The following CNST variants were observed in gnomAD, a reference collection of about 807,000 sequenced individuals.
The protein encoded by CNST is consortin, connexin sorting protein.
In CNST, 39 loss-of-function variants were observed where a neutral mutation model predicts 72.4. That is an observed-to-expected ratio of 0.54 (90% CI 0.42 to 0.70). The LOEUF is 0.70. Among genes scored for constraint, CNST ranks in the 30% least tolerant of loss-of-function variants. The pLI, the probability that CNST is intolerant of heterozygous loss-of-function variation, is 0.00. For synonymous variants in CNST, 332 were observed against 320.1 expected (o/e 1.04, Z -0.40); for missense variants, 871 against 868.5 (o/e 1.00, Z -0.04).
chr1:246,652,949 A>T (rs1447700266), intron 9 of CNST, among the ~76,000 whole-genome samples: 1 of 150,910 alleles, frequency 6.6e-6, no homozygotes, highest in African/African-American at 2.4e-5. Flanking sequence ...GCTTGCAGTG[A>T]GCCGAGATTG....
intron 1 of CNST, among the ~76,000 whole-genome samples, chr1:246,579,540 A>G (rs531048753): frequency 6.6e-6 from 1 of 152,316 alleles, no homozygotes; most frequent in African/African-American, 2.4e-5. Flanking sequence ...AGGCCAAAAC[A>G]GGAGGATCAC....
At chr1:246,579,678 C>T (rs1309988812) in intron 1 of CNST, among the ~76,000 whole-genome samples, 1 of 152,134 alleles carries the variant, frequency 6.6e-6, no homozygotes, top group African/African-American at 2.4e-5. Flanking sequence ...TCACTAGAAC[C>T]TGGGAGGCGG....
chr1:246,652,393 C>T (rs1296142810), intron 9 of CNST, among the ~76,000 whole-genome samples: 1 of 152,146 alleles, frequency 6.6e-6, no homozygotes, highest in Non-Finnish European at 1.5e-5. Flanking sequence ...TAGCTGTTTT[C>T]TGAACAAGTG....
intron 2 of CNST, among the ~76,000 whole-genome samples, chr1:246,613,992 C>A (rs985626565): frequency 2.0e-5 from 3 of 151,934 alleles, no homozygotes; most frequent in Non-Finnish European, 4.4e-5. Flanking sequence ...CTGCACTTGG[C>A]CTGTGTGAGG....
At chr1:246,639,520 C>CT (rs1198664053) in intron 6 of CNST, among the ~76,000 whole-genome samples, 3 of 152,030 alleles carry the variant, frequency 2.0e-5, no homozygotes, top group Non-Finnish European at 2.9e-5. Flanking sequence ...TGAGGGGGTG[C>CT]TTACTTGTGC....
At chr1:246,602,910 A>G (rs1304294026) in intron 2 of CNST, among the ~76,000 whole-genome samples, 1 of 131,186 alleles carries the variant, frequency 7.6e-6, no homozygotes, top group Non-Finnish European at 1.6e-5. Flanking sequence ...TTTTTTTTTT[A>G]TGATTTCAGT....
At chr1:246,608,333 CTT>C (rs1159006376) in intron 2 of CNST, among the ~76,000 whole-genome samples, 1 of 152,196 alleles carries the variant, frequency 6.6e-6, no homozygotes, top group African/African-American at 2.4e-5. Flanking sequence ...GAGACCCTGT[CTT>C]TAACGTTTTT....
chr1:246,594,216 C>T lies in CNST; in HGVS notation c.379+2275C>T, dbSNP rs1263740181. Among the ~76,000 whole-genome samples, 3 of 152,180 alleles carry T rather than the reference C, an allele frequency of 2.0e-5. No homozygotes were observed. In the East Asian group the frequency reaches 5.8e-4, roughly 29 times the overall value. ...TTATTTTAGAGACAGGATCATGCTA[C>T]CTTGCCCAGGTTAGTTTCAAACTCC... On this transcript the variant is annotated intron_variant, in intron 2 of 10. Transcript: ENST00000366513.
intron 2 of CNST, among the ~76,000 whole-genome samples, chr1:246,593,911 T>C (rs939755579): frequency 2.0e-5 from 3 of 152,176 alleles, no homozygotes; most frequent in Non-Finnish European, 2.9e-5. Context: ...AACAGGCATG[T>C]GCTACCATGC....
intron 2 of CNST, among the ~76,000 whole-genome samples, chr1:246,608,974 G>T (rs1166493156): frequency 6.6e-6 from 1 of 152,176 alleles, no homozygotes; most frequent in African/African-American, 2.4e-5. Flanking sequence ...AGCGAGTCAG[G>T]TTGCTTACTT....
chr1:246,641,786 T>G lies in CNST; in HGVS notation c.840+16T>G. ...CAAACATAAGGTAAGAGATTGTTTC[T>G]TTTGAATATATTTCTAGGAAAAATG... is the stretch of plus-strand genomic sequence containing the variant. On this transcript the variant is annotated intron_variant, in intron 7 of 10. Transcript: ENST00000366513. 2 of 1,330,546 alleles carry G rather than the reference T, an allele frequency of 1.5e-6. No homozygotes were observed. The highest frequency in any genetic ancestry group is 2.3e-5 in the East Asian group (1 of 43,424). The allele number at this position is 1,330,546 out of a possible 1,614,324, so 82.4% of individuals were successfully genotyped here. A position where few individuals can be genotyped will look rare whatever the true frequency, so the allele number is the denominator to read the frequency against.
rs571267963 is a variant in CNST at position 246,600,751 on chromosome 1, G to A, written c.379+8810G>A. Among the ~76,000 whole-genome samples, 19 of 152,302 alleles carry A rather than the reference G, an allele frequency of 1.2e-4. 1 individual carries two copies. In the South Asian group the frequency reaches 3.3e-3, roughly 27 times the overall value. On this transcript the variant is annotated intron_variant, in intron 2 of 10. Coordinates refer to ENST00000366513, the MANE Select transcript of CNST (RefSeq NM_152609.3). ...TGTGCTTTTGGGTCAGGTGTCTGGG[G>A]TGTCGTAGACGTCTGAGTAGACCTG...
At chr1:246,627,294 C>G (rs1022451869) in intron 3 of CNST, among the ~76,000 whole-genome samples, 1 of 152,254 alleles carries the variant, frequency 6.6e-6, no homozygotes, top group Non-Finnish European at 1.5e-5. Flanking sequence ...CCTACATGAT[C>G]TTGTCCTGTT....
At position 246,666,879 on chromosome 1, in the gene CNST, G is replaced by A. The variant is rs1363369846; in HGVS notation, c.*974G>A. 1 of 152,188 alleles carries A rather than the reference G, an allele frequency of 6.6e-6. No individual in the cohort carries two copies. Among genetic ancestry groups the A allele is most frequent in the Non-Finnish European group, 1.5e-5 (1 of 68,040 alleles). 9.4% of individuals were successfully genotyped at this position (152,188 alleles called of 1,614,324 possible). ...CTTATATAGAATAAACCAGTACTTT[G>A]CTGAGTGAAATCACCATATAGAATT... is the stretch of plus-strand genomic sequence containing the variant. On this transcript the variant is annotated 3_prime_UTR_variant, in exon 11 of 11. Coordinates refer to ENST00000366513, the MANE Select transcript of CNST (RefSeq NM_152609.3).
intron 3 of CNST, 66 bp from the exon 4 acceptor site, chr1:246,631,827 GT>G: frequency 1.0e-6 from 1 of 987,468 alleles, no homozygotes; most frequent in South Asian, 1.4e-5. Context: ...ATCTTAATTT[GT>G]TTCAAATTTA....
At chr1:246,639,319 T>G (rs1439068544) in intron 6 of CNST, among the ~76,000 whole-genome samples, 1 of 151,988 alleles carries the variant, frequency 6.6e-6, no homozygotes, top group Admixed American at 6.6e-5. Flanking sequence ...GAGAGGGCCT[T>G]TAGTAGCTTA....
At chr1:246,634,147 T>C (rs1664974985) in intron 5 of CNST, 137 bp downstream of exon 5, 2 of 638,108 alleles carry the variant, frequency 3.1e-6, no homozygotes, top group Non-Finnish European at 2.8e-6. Context: ...GCAAAGAAAG[T>C]AGCATTTTTA....
chr1:246,566,908 G>C (rs1055256395), intron 1 of CNST: 6 of 354,608 alleles, frequency 1.7e-5, no homozygotes, highest in Non-Finnish European at 3.0e-5. Context: ...TCCCTCCCTA[G>C]GGGACTAGCG....
intron 10 of CNST, among the ~76,000 whole-genome samples, chr1:246,664,997 G>A (rs1285330966): frequency 2.0e-5 from 3 of 152,064 alleles, no homozygotes; most frequent in Non-Finnish European, 4.4e-5. Context: ...TTAATATTAA[G>A]TCGACTTTGC....
Sources: gnomAD v4.1 joint callset for allele counts (sites outside exome capture counted in the v4.1 genomes callset) on GRCh38, gnomAD v4.1.1 for gene constraint, MANE v1.5 for transcripts, NCBI Gene and HGNC (gene_info 2026-07-23, HGNC 2026-07-21) for gene names.